TNFSF8: variants seen among roughly 807,000 people sequenced by gnomAD.
TNFSF8 encodes tumor necrosis factor ligand superfamily member 8.
A neutral mutation model predicts 22.0 loss-of-function variants in TNFSF8; 4 were observed. The observed-to-expected ratio is 0.18, with a 90% CI of 0.09 to 0.42. TNFSF8 has a LOEUF of 0.42. TNFSF8 is among the 10% of genes least tolerant of loss of function. The probability of loss-of-function intolerance (pLI) is 1.00; values close to 1 mark genes in which losing one functional copy is unlikely to be tolerated. For synonymous variants in TNFSF8, 106 were observed against 112.5 expected (o/e 0.94, Z 0.37); for missense variants, 233 against 281.8 (o/e 0.83, Z 1.24).
At chr9:114,904,983 G>A (rs569864958) in intron 3 of TNFSF8, among the ~76,000 whole-genome samples, 1 of 152,316 alleles carries the variant, frequency 6.6e-6, no homozygotes, top group African/African-American at 2.4e-5. Context: ...TTATTAAGGG[G>A]CTCTTGCCAT....
intron 2 of TNFSF8, among the ~76,000 whole-genome samples, chr9:114,915,585 G>A (rs1340958072): frequency 6.6e-6 from 1 of 152,272 alleles, no homozygotes; most frequent in South Asian, 2.1e-4. Context: ...GAGGAGCCCC[G>A]GATTCTCACT....
intron 1 of TNFSF8, among the ~76,000 whole-genome samples, chr9:114,925,714 A>T (rs1281253953): frequency 1.3e-5 from 2 of 151,826 alleles, no homozygotes; most frequent in African/African-American, 4.8e-5. Flanking sequence ...TAAAAAAAGA[A>T]TTTTTTTTGC....
At chr9:114,899,342 A>ATTTTTTTTTTTTTTT (rs137946179), downstream of TNFSF8, among the ~76,000 whole-genome samples, 5 of 142,630 alleles carry the variant, frequency 3.5e-5, no homozygotes, top group African/African-American at 2.7e-5. Context: ...ACAGTAAGTT[A>ATTTTTTTTTTTTTTT]TTATTTTTTT....
intron 2 of TNFSF8, among the ~76,000 whole-genome samples, chr9:114,909,245 G>T (rs2208638): frequency 0.99 from 151,060 of 152,338 alleles, 74,906 homozygotes; most frequent in East Asian, 1. Flanking sequence ...TTTTTGGTTA[G>T]GAAGACAGAA....
intron 1 of TNFSF8, among the ~76,000 whole-genome samples, chr9:114,926,533 A>G (rs1828062408): frequency 6.6e-6 from 1 of 152,230 alleles, no homozygotes; most frequent in Non-Finnish European, 1.5e-5. Flanking sequence ...TAGAGAAAAC[A>G]TTGATGTCTC....
Position 114,918,985 on chromosome 9 carries a change from A to T in TNFSF8, c.196-847T>A, listed in dbSNP as rs148890167. On this transcript the variant is annotated intron_variant, in intron 1 of 3. Coordinates refer to ENST00000223795, the MANE Select transcript of TNFSF8 (RefSeq NM_001244.4). ...TTCTTTTTTTTTCCTTCTGGTCAACATGAGAATAATCAAGTATATCATAAA... is the reference window on the plus strand; with the variant it reads ...TTCTTTTTTTTTCCTTCTGGTCAACTTGAGAATAATCAAGTATATCATAAA... 6.0e-5 allele frequency among the ~76,000 whole-genome samples: 9 copies of T among 150,544 alleles called. No homozygotes were observed. The East Asian group carries it at 1.7e-3, about 29-fold the overall frequency.
intron 2 of TNFSF8, among the ~76,000 whole-genome samples, chr9:114,911,981 T>TA (rs558130452): frequency 8.9e-4 from 135 of 152,226 alleles, no homozygotes; most frequent in African/African-American, 3.2e-3. Context: ...ATAACCTTAA[T>TA]AAAAAAACAC....
intron 2 of TNFSF8, 38 bp from the exon 3 acceptor site, chr9:114,905,937 C>A (rs758882746): frequency 3.5e-6 from 5 of 1,436,578 alleles, no homozygotes; most frequent in Non-Finnish European, 4.9e-6. Context: ...ATGTCTTTTG[C>A]CGTTTTGGGA....
chr9:114,923,767 C>A (rs1828022723), intron 1 of TNFSF8, among the ~76,000 whole-genome samples: 2 of 152,130 alleles, frequency 1.3e-5, no homozygotes, highest in African/African-American at 2.4e-5. Flanking sequence ...ATCCACACAC[C>A]TTTGCCTCCC....
At position 114,902,492 on chromosome 9, in the gene TNFSF8, A is replaced by G; in HGVS notation, c.*1439T>C. On this transcript the variant is annotated 3_prime_UTR_variant, in exon 4 of 4. Transcript: ENST00000223795. ...CTGGAATAGAGTCAGGCCTCGTCAGATGGTTTCCCAAACACCCAGATGGTC... is the reference window on the plus strand; with the variant it reads ...CTGGAATAGAGTCAGGCCTCGTCAGGTGGTTTCCCAAACACCCAGATGGTC... 1 of 985,414 alleles carries G rather than the reference A, an allele frequency of 1.0e-6. No homozygotes were observed. Among genetic ancestry groups the G allele is most frequent in the Non-Finnish European group, 1.2e-6 (1 of 829,922 alleles). 61.0% of individuals were successfully genotyped at this position (985,414 alleles called of 1,614,324 possible).
rs948493386 is a variant in TNFSF8, at chr9:114,903,830, G to C, written c.*101C>G. The C allele has an allele frequency of 6.6e-7, 1 of 1,511,696 alleles. No individual in the cohort carries two copies. Among genetic ancestry groups the C allele is most frequent in the Non-Finnish European group, 8.8e-7 (1 of 1,137,318 alleles). 93.6% of individuals were successfully genotyped at this position (1,511,696 alleles called of 1,614,324 possible). The stretch of plus-strand genomic sequence containing the variant: ...AGTATACTATTTAATACCCTGTGTA[G>C]TTTGTCTTGGTCTAAAGTTTTCTTT... On this transcript the variant is annotated 3_prime_UTR_variant, in exon 4 of 4. Coordinates refer to ENST00000223795, the MANE Select transcript of TNFSF8 (RefSeq NM_001244.4).
At chr9:114,921,149 G>C (rs924792604) in intron 1 of TNFSF8, among the ~76,000 whole-genome samples, 2 of 152,146 alleles carry the variant, frequency 1.3e-5, no homozygotes, top group Non-Finnish European at 2.9e-5. Context: ...TTTCAGACAT[G>C]GGATGTCAAA....
intron 2 of TNFSF8, among the ~76,000 whole-genome samples, chr9:114,917,875 G>A (rs1827938683): frequency 6.6e-6 from 1 of 152,228 alleles, no homozygotes; most frequent in South Asian, 2.1e-4. Context: ...ATTAGTGGGA[G>A]TGTCAAGAGC....
Position 114,903,902 on chromosome 9 carries a change from C to T in TNFSF8, c.*29G>A. 1 of 1,580,086 alleles carries T rather than the reference C, an allele frequency of 6.3e-7. No individual in the cohort carries two copies. The highest frequency in any genetic ancestry group is 1.2e-5 in the South Asian group (1 of 84,354). On this transcript the variant is annotated 3_prime_UTR_variant, in exon 4 of 4. Coordinates refer to ENST00000223795, the MANE Select transcript of TNFSF8 (RefSeq NM_001244.4). ...TGAAATACTGTATGGTAGAGAGGCGCTTTCTTCCTGAAGGCCAAGAGAAAC... is the reference window on the plus strand; with the variant it reads ...TGAAATACTGTATGGTAGAGAGGCGTTTTCTTCCTGAAGGCCAAGAGAAAC...
At chr9:114,916,799 T>G (rs1827924636) in intron 2 of TNFSF8, among the ~76,000 whole-genome samples, 1 of 152,224 alleles carries the variant, frequency 6.6e-6, no homozygotes, top group Admixed American at 6.5e-5. Flanking sequence ...GCTGACTAAT[T>G]GCAACAGAGA....
chr9:114,900,320 TG>T (rs1827701681), downstream of TNFSF8, among the ~76,000 whole-genome samples: 3 of 152,304 alleles, frequency 2.0e-5, no homozygotes, highest in Admixed American at 2.0e-4. Flanking sequence ...GAAGTCAGCC[TG>T]TATCATCTCT....
chr9:114,901,281 C>T lies in TNFSF8; in HGVS notation c.*2650G>A. Reference sequence around the variant, plus strand: ...TTTAGTTTTAAACTTCCTGGGTTGCCTACTCCCTACATATCTATCAGTTGA... The same window carrying T: ...TTTAGTTTTAAACTTCCTGGGTTGCTTACTCCCTACATATCTATCAGTTGA... On this transcript the variant is annotated 3_prime_UTR_variant, in exon 4 of 4. Coordinates refer to ENST00000223795, the MANE Select transcript of TNFSF8 (RefSeq NM_001244.4). 1 of 985,366 alleles carries T rather than the reference C, an allele frequency of 1.0e-6. No individual in the cohort carries two copies. The highest frequency in any genetic ancestry group is 1.2e-6 in the Non-Finnish European group (1 of 829,906). 61.0% of individuals were successfully genotyped at this position (985,366 alleles called of 1,614,324 possible).
intron 2 of TNFSF8, among the ~76,000 whole-genome samples, chr9:114,910,479 T>C (rs1827839496): frequency 6.6e-6 from 1 of 152,160 alleles, no homozygotes; most frequent in Admixed American, 6.5e-5. Flanking sequence ...GGCTTCTGAC[T>C]TCTAATCCAG....
At chr9:114,913,656 A>C (rs767571212) in intron 2 of TNFSF8, among the ~76,000 whole-genome samples, 20 of 152,202 alleles carry the variant, frequency 1.3e-4, no homozygotes, top group Non-Finnish European at 2.8e-4. Context: ...ATCCCAGCTA[A>C]GCACAAGGGC....
Sources: allele counts gnomAD v4.1 joint callset (sites outside exome capture counted in the v4.1 genomes callset), GRCh38; gene constraint gnomAD v4.1.1; transcripts MANE v1.5; gene names NCBI Gene and HGNC (gene_info 2026-07-23, HGNC 2026-07-21).